ZBTB20: variants seen among roughly 807,000 people sequenced by gnomAD.
The protein encoded by ZBTB20 is zinc finger and BTB domain containing 20.
In ZBTB20, 9 loss-of-function variants were observed where a neutral mutation model predicts 56.9. That is an observed-to-expected ratio of 0.16 (90% CI 0.10 to 0.28). ZBTB20 has a LOEUF of 0.28. ZBTB20 is among the 10% of genes least tolerant of loss of function. The probability of loss-of-function intolerance (pLI) is 1.00; values close to 1 mark genes in which losing one functional copy is unlikely to be tolerated. For synonymous variants in ZBTB20, 417 were observed against 420.7 expected, an observed-to-expected ratio of 0.99 and a Z score of 0.11; for missense variants, 655 against 1,003.0, an observed-to-expected ratio of 0.65 and a Z score of 4.69.
At chr3:114,356,728 T>C (rs918114790) in intron 10 of ZBTB20, among the ~76,000 whole-genome samples, 1 of 152,160 alleles carries the variant, frequency 6.6e-6, no homozygotes, top group South Asian at 2.1e-4. Context: ...AGCCCCCTTA[T>C]TCTCCAAACC....
At chr3:114,855,033 G>A (rs2075181215) in intron 4 of ZBTB20, among the ~76,000 whole-genome samples, 1 of 151,930 alleles carries the variant, frequency 6.6e-6, no homozygotes, top group Non-Finnish European at 1.5e-5. Flanking sequence ...AAATCTTTAC[G>A]ACAGAGACCA....
rs537900051 is a variant in ZBTB20, at chr3:114,768,421, C to T, written c.-343+32680G>A. Among the ~76,000 whole-genome samples, 10 of 151,946 alleles carry T rather than the reference C, an allele frequency of 6.6e-5. No homozygotes were observed. In the South Asian group the frequency reaches 1.2e-3, roughly 19 times the overall value. The stretch of plus-strand genomic sequence containing the variant: ...ATAGTGCACTAATATATAATACTGC[C>T]CTGATTTTGAACATTAGTCTAATAC... On this transcript the variant is annotated intron_variant, in intron 5 of 11. Coordinates refer to ENST00000675478, the MANE Select transcript of ZBTB20 (RefSeq NM_001348800.3).
chr3:115,084,311 A>C (rs1377258694), intron 1 of ZBTB20, among the ~76,000 whole-genome samples: 5 of 150,008 alleles, frequency 3.3e-5, no homozygotes, highest in Non-Finnish European at 7.4e-5. Context: ...AAGACTAGAG[A>C]ACTAAGAAAA....
At chr3:114,799,367 A>G (rs1338370879) in intron 5 of ZBTB20, among the ~76,000 whole-genome samples, 2 of 151,944 alleles carry the variant, frequency 1.3e-5, no homozygotes. Flanking sequence ...TTGGTCAGGA[A>G]AAAGAAGTGT....
At position 114,327,723 on chromosome 3, in the gene ZBTB20, G is replaced by A. The variant is rs1052117933; in HGVS notation, c.*11282C>T. On this transcript the variant is annotated 3_prime_UTR_variant, in exon 12 of 12. Coordinates refer to ENST00000675478, the MANE Select transcript of ZBTB20 (RefSeq NM_001348800.3). The stretch of plus-strand genomic sequence containing the variant: ...TAAAAATACATTTCTGATATTAAAT[G>A]TTGATTCTTTTTGTCAAAGGGTAAA... 3 of 152,184 alleles carry A rather than the reference G, an allele frequency of 2.0e-5. No individual in the cohort carries two copies. The highest frequency in any genetic ancestry group is 7.2e-5 in the African/African-American group (3 of 41,458). The allele number at this position is 152,184 out of a possible 1,614,324, so 9.4% of individuals were successfully genotyped here. A position where few individuals can be genotyped will look rare whatever the true frequency, so the allele number is the denominator to read the frequency against.
intron 4 of ZBTB20, among the ~76,000 whole-genome samples, chr3:114,867,032 T>G (rs2075793544): frequency 6.6e-6 from 1 of 152,148 alleles, no homozygotes; most frequent in Non-Finnish European, 1.5e-5. Context: ...TTAATGAATG[T>G]TTCTTAAACT....
intron 2 of ZBTB20, among the ~76,000 whole-genome samples, chr3:115,056,033 T>C (rs1268253934): frequency 1.3e-5 from 2 of 152,076 alleles, no homozygotes; most frequent in African/African-American, 4.8e-5. Context: ...AGAAGTCAAA[T>C]GCCAAAAGGG....
chr3:114,340,931 G>A (rs1026759122), intron 11 of ZBTB20, among the ~76,000 whole-genome samples: 1 of 152,098 alleles, frequency 6.6e-6, no homozygotes, highest in African/African-American at 2.4e-5. Context: ...TATGGTAATA[G>A]CAGCAATGAA....
At chr3:114,597,037 T>TC (rs1553762629) in intron 6 of ZBTB20, among the ~76,000 whole-genome samples, 86 of 149,250 alleles carry the variant, frequency 5.8e-4, no homozygotes, top group South Asian at 4.2e-3. Context: ...TAAAGCAAAT[T>TC]AAAAAAATAT....
In ZBTB20 at chr3:114,337,342, C is replaced by T. The variant is rs1212736437; in HGVS notation, c.*1663G>A. The T allele has an allele frequency of 6.6e-6, 1 of 152,192 alleles. No homozygotes were observed. Among genetic ancestry groups the T allele is most frequent in the African/African-American group, 2.4e-5 (1 of 41,440 alleles). 9.4% of individuals were successfully genotyped at this position (152,192 alleles called of 1,614,324 possible). On this transcript the variant is annotated 3_prime_UTR_variant, in exon 12 of 12. Transcript: ENST00000675478. Reference sequence around the variant, plus strand: ...CTATGGCAGAGTTTTGTGAACTCCTCTTCCTGGCTGATCACAAAAGAAAAG... The same window carrying T: ...CTATGGCAGAGTTTTGTGAACTCCTTTTCCTGGCTGATCACAAAAGAAAAG...
chr3:114,619,006 CAT>C (rs1306857994), intron 6 of ZBTB20, among the ~76,000 whole-genome samples: 1 of 152,166 alleles, frequency 6.6e-6, no homozygotes, highest in Non-Finnish European at 1.5e-5. Flanking sequence ...ATTAGGCACT[CAT>C]ATAATTTTGC....
At chr3:114,931,454 TA>T (rs1233755311) in intron 3 of ZBTB20, 1 of 179,108 alleles carries the variant, frequency 5.6e-6, no homozygotes, top group Non-Finnish European at 1.2e-5. Flanking sequence ...GAAGGTTGAG[TA>T]AATGCCGGTT....
At chr3:114,915,601 TA>T (rs1304931589) in intron 3 of ZBTB20, among the ~76,000 whole-genome samples, 10 of 152,006 alleles carry the variant, frequency 6.6e-5, no homozygotes, top group Non-Finnish European at 1.3e-4. Flanking sequence ...CACTGATCTT[TA>T]TTATTTATTT....
intron 10 of ZBTB20, among the ~76,000 whole-genome samples, chr3:114,362,265 C>G (rs6801183): frequency 4.7e-4 from 71 of 152,026 alleles, no homozygotes; most frequent in Non-Finnish European, 7.2e-4. Flanking sequence ...TCTGTCTTAT[C>G]TCTCTAAGAC....
intron 7 of ZBTB20, among the ~76,000 whole-genome samples, chr3:114,455,090 G>A (rs535276783): frequency 2.0e-5 from 3 of 150,556 alleles, no homozygotes; most frequent in African/African-American, 7.3e-5. Context: ...AGAGAGAGGA[G>A]AGACGGAGAG....
intron 5 of ZBTB20, among the ~76,000 whole-genome samples, chr3:114,777,417 T>A (rs1482968870): frequency 6.6e-6 from 1 of 151,974 alleles, no homozygotes; most frequent in Admixed American, 6.6e-5. Context: ...GGCAGGAGAA[T>A]CTCTTGAACC....
chr3:114,898,734 G>A (rs1378597200), intron 4 of ZBTB20, among the ~76,000 whole-genome samples: 1 of 151,968 alleles, frequency 6.6e-6, no homozygotes, highest in Non-Finnish European at 1.5e-5. Flanking sequence ...AAAGTGATTT[G>A]TTAAAAATAC....
intron 4 of ZBTB20, among the ~76,000 whole-genome samples, chr3:114,843,040 C>T (rs1359672321): frequency 6.6e-6 from 1 of 152,112 alleles, no homozygotes; most frequent in African/African-American, 2.4e-5. Context: ...CAGTCTCTCT[C>T]TTCTCTCTCT....
chr3:114,444,679 A>C (rs1306607429), intron 7 of ZBTB20, among the ~76,000 whole-genome samples: 2 of 152,080 alleles, frequency 1.3e-5, no homozygotes, highest in East Asian at 3.9e-4. Flanking sequence ...GAGTAGTTTA[A>C]GCCTGAATAT....
Sources: gnomAD v4.1 joint callset for allele counts (sites outside exome capture counted in the v4.1 genomes callset) on GRCh38, gnomAD v4.1.1 for gene constraint, MANE v1.5 for transcripts, NCBI Gene and HGNC (gene_info 2026-07-23, HGNC 2026-07-21) for gene names.